SYP: variants seen among roughly 807,000 people sequenced by gnomAD.
SYP encodes major synaptic vesicle protein P38.
Under a neutral mutation model 24.3 loss-of-function variants are expected in SYP, and 2 were observed. The observed-to-expected ratio is 0.08, with a 90% confidence interval of 0.03 to 0.26. The LOEUF is 0.26. Among genes scored for constraint, SYP ranks in the 10% least tolerant of loss-of-function variants. The pLI is 1.00. For missense variants in SYP, 216 were observed against 266.3 expected (o/e 0.81, Z 1.32); for synonymous variants, 143 against 123.2 (o/e 1.16, Z -1.07).
intron 5 of SYP, among the ~76,000 whole-genome samples, chrX:49,192,837 A>G (rs1019940632): frequency 8.9e-6 from 1 of 112,316 alleles, no homozygotes; most frequent in African/African-American, 3.2e-5. Flanking sequence ...TGCATGCTCA[A>G]CTGAACCTTG....
rs782200779 is a variant in SYP at position 49,199,475 on chromosome X, G to C, written c.37-442C>G. On this transcript the variant is annotated intron_variant, in intron 1 of 6. Transcript: ENST00000263233. ...CAGGGGTAAAGGTGTGTTAGACGGCGGTGGCGGTAGATATTTGAGGTGATG... is the reference window on the plus strand; with the variant it reads ...CAGGGGTAAAGGTGTGTTAGACGGCCGTGGCGGTAGATATTTGAGGTGATG... Among the ~76,000 whole-genome samples, 8 of 106,707 alleles carry C rather than the reference G, an allele frequency of 7.5e-5. No homozygotes were observed. The South Asian group carries it at 3.5e-3, about 47-fold the overall frequency. The allele number at this position is 106,707 out of a possible 115,157, so 92.7% of individuals were successfully genotyped here.
At chrX:49,197,893 G>C (rs2065534216) in intron 2 of SYP, 54 bp from the exon 3 acceptor site, 1 of 1,202,318 alleles carries the variant, frequency 8.3e-7, no homozygotes. Flanking sequence ...ATGTGGGAGG[G>C]AGGTGCCCTC....
chrX:49,199,317 C>G, intron 1 of SYP: 2 of 233,734 alleles, frequency 8.6e-6, no homozygotes, highest in Non-Finnish European at 1.5e-5. Context: ...AACGTAAAGG[C>G]GAGTCGGATG....
chrX:49,197,292 T>G, intron 3 of SYP: 1 of 132,806 alleles, frequency 7.5e-6, no homozygotes, highest in Non-Finnish European at 1.5e-5. Context: ...GGGAGTTGGG[T>G]CTGTTTTAGT....
chrX:49,199,299 A>T, intron 1 of SYP: 1 of 303,656 alleles, frequency 3.3e-6, no homozygotes, highest in Non-Finnish European at 5.8e-6. Flanking sequence ...GAGGGGGAGC[A>T]GGTTTGAAAC....
chrX:49,190,369 G>A (rs2065502086), intron 6 of SYP, among the ~76,000 whole-genome samples: 1 of 109,799 alleles, frequency 9.1e-6, no homozygotes, highest in Admixed American at 9.7e-5. Flanking sequence ...TAGTAGAGAC[G>A]GGGTTTCACC....
Position 49,199,167 on chromosome X carries a change from C to T in SYP, c.37-134G>A, listed in dbSNP as rs2065540465. On this transcript the variant is annotated intron_variant, in intron 1 of 6. Transcript: ENST00000263233. ...AGAGGGTGAGAAGGAGAAAGTGACA[C>T]CTTGGGGATGGTGTGAGCCCCAGGG... is the stretch of plus-strand genomic sequence containing the variant. 1.8e-5 allele frequency: 11 copies of T among 616,860 alleles called. No homozygotes were observed. The South Asian group carries it at 2.8e-4, about 16-fold the overall frequency. 50.8% of individuals were successfully genotyped at this position (616,860 alleles called of 1,213,427 possible). A position where few individuals can be genotyped will look rare whatever the true frequency, so the allele number is the denominator to read the frequency against.
Position 49,188,963 on chromosome X carries a change from T to A in SYP, c.*324A>T, listed in dbSNP as rs781937572. 9.2e-6 allele frequency: 1 copy of A among 109,128 alleles called. No individual in the cohort carries two copies. The highest frequency in any genetic ancestry group is 2.9e-4 in the East Asian group (1 of 3,428). The allele number at this position is 109,128 out of a possible 1,213,427, so 9.0% of individuals were successfully genotyped here. On this transcript the variant is annotated 3_prime_UTR_variant, in exon 7 of 7. Transcript: ENST00000263233. ...CCCTCCCCACACAGCCGAGGTCTGT[T>A]CCCTCCCTGTCCTCCTTTTAGATCC...
chrX:49,191,905 G>T lies in SYP; in HGVS notation c.616-142C>A. 3 of 688,960 alleles carry T rather than the reference G, an allele frequency of 4.4e-6. No homozygotes were observed. In the South Asian group the frequency reaches 7.6e-5, roughly 17 times the overall value. The allele number at this position is 688,960 out of a possible 1,213,427, so 56.8% of individuals were successfully genotyped here. A position where few individuals can be genotyped will look rare whatever the true frequency, so the allele number is the denominator to read the frequency against. ...ACCCAGACTCTCTGAGTCCCAGTGC[G>T]AGAACGTCGATGTGCAGAAAAATCA... On this transcript the variant is annotated intron_variant, in intron 5 of 6. Coordinates refer to ENST00000263233, the MANE Select transcript of SYP (RefSeq NM_003179.3).
intron 6 of SYP, among the ~76,000 whole-genome samples, chrX:49,190,076 C>T (rs2065500524): frequency 9.0e-6 from 1 of 111,503 alleles, no homozygotes; most frequent in East Asian, 2.8e-4. Context: ...AGTATTGCCA[C>T]CTTCTTGCCT....
intron 5 of SYP, 52 bp downstream of exon 5, chrX:49,193,220 C>T (rs1190398232): frequency 2.4e-5 from 28 of 1,176,572 alleles, no homozygotes; most frequent in Non-Finnish European, 2.8e-5. Flanking sequence ...CTCCCCATGC[C>T]GGACTGTACT....
At chrX:49,197,103 C>G in intron 3 of SYP, 1 of 109,471 alleles carries the variant, frequency 9.1e-6, no homozygotes, top group Non-Finnish European at 1.9e-5. Context: ...CCTGCCTCAG[C>G]CTCCTGAGTA....
intron 5 of SYP, among the ~76,000 whole-genome samples, chrX:49,193,052 G>A (rs1378713668): frequency 8.9e-6 from 1 of 112,480 alleles, no homozygotes; most frequent in Non-Finnish European, 1.9e-5. Context: ...CTGGGATCCA[G>A]GTCTCCCAAA....
intron 5 of SYP, 103 bp from the exon 6 acceptor site, chrX:49,191,866 T>G: frequency 3.3e-6 from 3 of 919,796 alleles, no homozygotes; most frequent in Non-Finnish European, 4.6e-6. Context: ...CTCCGCAAGG[T>G]GGGGGTTTCT....
At chrX:49,198,777 A>G (rs1316661393) in intron 2 of SYP, 191 bp downstream of exon 2, 16 of 481,954 alleles carry the variant, frequency 3.3e-5, no homozygotes, top group Non-Finnish European at 5.5e-5. Context: ...CCTCAGCCCT[A>G]TGTGACGTCA....
Position 49,194,336 on chromosome X carries a change from G to T in SYP, c.253C>A (p.Pro85Thr). 7 of 1,211,331 alleles carry T rather than the reference G, an allele frequency of 5.8e-6. No homozygotes were observed. The highest frequency in any genetic ancestry group is 7.8e-6 in the Non-Finnish European group (7 of 895,446). Residue 85 changes from proline to threonine, a missense_variant, in exon 4 of 7, where the codon CCC becomes ACC. By Grantham distance (38) the Pro-to-Thr change is conservative (BLOSUM62 -1). Transcript: ENST00000263233. The stretch of plus-strand genomic sequence containing the variant: ...TTGGTGGTGCCCCCTCGGCAGGTGG[G>T]TGCATCAAAGTACACTTGGTGCAGC... ...FRLHQVYFDA[P>T]TCRGGTTKVF... is the part of the protein sequence containing the mutation.
rs968705807 is a variant in SYP, at chrX:49,189,704, C to G, written c.*5-422G>C. On this transcript the variant is annotated intron_variant, in intron 6 of 6. Transcript: ENST00000263233. Reference sequence around the variant, plus strand: ...ATAAAGTGAGCTGGGCATGGTCGCTCACACTTATAGTCTCAGCTACTTGGG... The same window carrying G: ...ATAAAGTGAGCTGGGCATGGTCGCTGACACTTATAGTCTCAGCTACTTGGG... Among the ~76,000 whole-genome samples, 6 of 110,843 alleles carry G rather than the reference C, an allele frequency of 5.4e-5. No homozygotes were observed. In the Admixed American group the frequency reaches 5.8e-4, roughly 11 times the overall value.
At chrX:49,198,849 T>A in intron 2 of SYP, 119 bp downstream of exon 2, 3 of 799,479 alleles carry the variant, frequency 3.8e-6, no homozygotes, top group Non-Finnish European at 5.5e-6. Flanking sequence ...AATTCCCCCA[T>A]CCCCTACAAC....
At chrX:49,199,875 C>A (rs2065544457) in intron 1 of SYP, among the ~76,000 whole-genome samples, 1 of 110,827 alleles carries the variant, frequency 9.0e-6, no homozygotes, top group Admixed American at 9.5e-5. Flanking sequence ...GCCCCCAGGC[C>A]CCTATTCCTC....
Sources: gnomAD v4.1 joint callset for allele counts (sites outside exome capture counted in the v4.1 genomes callset) on GRCh38, gnomAD v4.1.1 for gene constraint, MANE v1.5 for transcripts, NCBI Gene and HGNC (gene_info 2026-07-23, HGNC 2026-07-21) for gene names.